The following RBPJ variants were observed in gnomAD, a reference collection of about 807,000 sequenced individuals.
The protein encoded by RBPJ is recombining binding protein suppressor of hairless.
Under a neutral mutation model 67.8 loss-of-function variants are expected in RBPJ, and 9 were observed. The observed-to-expected ratio is 0.13, with a 90% CI of 0.08 to 0.23. The LOEUF is 0.23. Ranked by LOEUF, RBPJ falls within the 10% of genes least tolerant of loss-of-function variation. RBPJ has a pLI of 1.00. For missense variants in RBPJ, 305 were observed against 595.6 expected (o/e 0.51, Z 5.08); for synonymous variants, 198 against 203.3 (o/e 0.97, Z 0.22).
At chr4:26,246,773 C>A (rs919541031) in intron 1 of RBPJ, among the ~76,000 whole-genome samples, 1 of 152,116 alleles carries the variant, frequency 6.6e-6, no homozygotes, top group Non-Finnish European at 1.5e-5. Context: ...TGCTTTAAGT[C>A]TGTTGCCTGA....
upstream of RBPJ, chr4:26,320,889 C>A (rs1722953174): frequency 6.3e-7 from 1 of 1,577,360 alleles, no homozygotes. Flanking sequence ...CTCTTCGCGG[C>A]GGCGGCGAGG....
At chr4:26,410,180 C>T (rs1049536886) in intron 3 of RBPJ, 13 of 334,820 alleles carry the variant, frequency 3.9e-5, no homozygotes, top group Admixed American at 3.8e-4. Flanking sequence ...TCTTTCTTGC[C>T]GATCCTGGTT....
At chr4:26,333,582 G>A (rs1053640378) in intron 1 of RBPJ, among the ~76,000 whole-genome samples, 6 of 151,708 alleles carry the variant, frequency 4.0e-5, no homozygotes, top group East Asian at 1.9e-4. Flanking sequence ...TGAGATGGAC[G>A]TCTCACTCTG....
At chr4:26,253,388 T>G (rs1451728209) in intron 1 of RBPJ, among the ~76,000 whole-genome samples, 1 of 140,648 alleles carries the variant, frequency 7.1e-6, no homozygotes, top group Non-Finnish European at 1.5e-5. Flanking sequence ...CTCGGCTCAC[T>G]GCAAGCTCCG....
intron 1 of RBPJ, among the ~76,000 whole-genome samples, chr4:26,219,607 A>G (rs1213985870): frequency 6.6e-6 from 1 of 152,220 alleles, no homozygotes; most frequent in East Asian, 1.9e-4. Flanking sequence ...TTTGTGTAGC[A>G]AAGGCTGTCA....
chr4:26,367,231 C>T (rs141361461), intron 1 of RBPJ, among the ~76,000 whole-genome samples: 10 of 152,162 alleles, frequency 6.6e-5, no homozygotes, highest in Admixed American at 6.5e-4. Context: ...GCCTGTAATC[C>T]CAGCACTTTG....
intron 1 of RBPJ, among the ~76,000 whole-genome samples, chr4:26,174,697 T>A (rs1716733749): frequency 6.6e-6 from 1 of 152,184 alleles, no homozygotes; most frequent in Non-Finnish European, 1.5e-5. Flanking sequence ...CTCGAACTCC[T>A]GACCTCAGGT....
intron 1 of RBPJ, among the ~76,000 whole-genome samples, chr4:26,225,793 G>T (rs111737458): frequency 1.6e-3 from 247 of 151,988 alleles, no homozygotes; most frequent in African/African-American, 5.6e-3. Flanking sequence ...AAATTCAAGG[G>T]CAAACACTAA....
At chr4:26,150,476 A>G in the RBPJ span, among the ~76,000 whole-genome samples, 2 of 152,208 alleles carry the variant, frequency 1.3e-5, no homozygotes, top group Non-Finnish European at 2.9e-5. Context: ...CTTGTAGAGC[A>G]CTTACAGTGT....
Position 26,211,272 on chromosome 4 carries a change from T to C in RBPJ, c.-167+47658T>C, listed in dbSNP as rs532324488. 3.9e-5 allele frequency among the ~76,000 whole-genome samples: 6 copies of C among 152,274 alleles called. No homozygotes were observed. In the South Asian group the frequency reaches 1.2e-3, roughly 32 times the overall value. ...TCTGGGGACAAATACTCATCAGATA[T>C]TCAAAAATGTTAAAGATCTATCACT... On this transcript the variant is annotated intron_variant, in intron 1 of 4. Coordinates refer to the RBPJ transcript ENST00000512351.
At chr4:26,169,948 T>A (rs6820349) in intron 1 of RBPJ, among the ~76,000 whole-genome samples, 146,193 of 152,170 alleles carry the variant, frequency 0.96, 70,296 homozygotes, top group Non-Finnish European at 0.99. Flanking sequence ...TTTGGGTGGG[T>A]GTGGCCCGAT....
intron 1 of RBPJ, among the ~76,000 whole-genome samples, chr4:26,309,071 T>C (rs1722342096): frequency 6.6e-6 from 1 of 151,654 alleles, no homozygotes; most frequent in East Asian, 1.9e-4. Context: ...TCTTGTGCTG[T>C]CACCCAGGCT....
intron 1 of RBPJ, among the ~76,000 whole-genome samples, chr4:26,226,331 A>G (rs922340114): frequency 4.6e-5 from 7 of 151,992 alleles, no homozygotes; most frequent in African/African-American, 1.7e-4. Flanking sequence ...TTAATTAGCC[A>G]GGTATGGTGC....
intron 1 of RBPJ, among the ~76,000 whole-genome samples, chr4:26,303,178 CAAAA>C (rs1322467240): frequency 4.7e-4 from 46 of 97,452 alleles, no homozygotes; most frequent in African/African-American, 1.8e-3. Flanking sequence ...GCAACCCTGT[CAAAA>C]AATAAATAAA....
At position 26,299,845 on chromosome 4, in the gene RBPJ, A is replaced by AT. The variant is rs1312369339; in HGVS notation, c.-166-62590dup. ...AGATGCCTGCCACCACGCCTGACTA[A>AT]TTTTTTTTTTTGTTTTCGTATTTTT... is the stretch of plus-strand genomic sequence containing the variant. On this transcript the variant is annotated intron_variant, in intron 1 of 4. Transcript: ENST00000512351. 7.8e-3 allele frequency among the ~76,000 whole-genome samples: 1,143 copies of AT among 146,192 alleles called. 11 individuals are homozygous for AT. The highest frequency in any genetic ancestry group is 0.025 in the African/African-American group (1,015 of 40,120).
chr4:26,132,096 G>A, the RBPJ span, among the ~76,000 whole-genome samples: 1 of 152,002 alleles, frequency 6.6e-6, no homozygotes, highest in Non-Finnish European at 1.5e-5. Context: ...CGGAAACTGG[G>A]CCACTGTGTA....
the RBPJ span, among the ~76,000 whole-genome samples, chr4:26,135,047 C>T: frequency 6.6e-6 from 1 of 152,158 alleles, no homozygotes; most frequent in Non-Finnish European, 1.5e-5. Flanking sequence ...AGGCCTTGGT[C>T]TGCCTCCTTC....
intron 1 of RBPJ, among the ~76,000 whole-genome samples, chr4:26,349,665 A>G (rs533629266): frequency 1.3e-5 from 2 of 152,300 alleles, no homozygotes; most frequent in Admixed American, 1.3e-4. Context: ...GCATAGAGAA[A>G]ATGAGTAACT....
chr4:26,116,960 A>T, the RBPJ span, among the ~76,000 whole-genome samples: 1 of 152,354 alleles, frequency 6.6e-6, no homozygotes, highest in East Asian at 1.9e-4. Flanking sequence ...CCAGGTCTAG[A>T]TTAAAGCCTC....
Sources: gnomAD v4.1 joint callset for allele counts (sites outside exome capture counted in the v4.1 genomes callset) on GRCh38, gnomAD v4.1.1 for gene constraint, MANE v1.5 for transcripts, NCBI Gene and HGNC (gene_info 2026-07-23, HGNC 2026-07-21) for gene names.